The following ASIC2 variants were observed in gnomAD, a reference collection of about 807,000 sequenced individuals.
The protein encoded by ASIC2 is acid sensing ion channel subunit 2.
In ASIC2, 25 loss-of-function variants were observed where a neutral mutation model predicts 57.3. The observed-to-expected ratio is 0.44, with a 90% CI of 0.32 to 0.61. The LOEUF is 0.61. Among genes scored for constraint, ASIC2 ranks in the 20% least tolerant of loss-of-function variants. The probability of loss-of-function intolerance (pLI) is 0.06; values close to 1 mark genes in which losing one functional copy is unlikely to be tolerated. For missense variants in ASIC2, 641 were observed against 738.1 expected (o/e 0.87, Z 1.52); for synonymous variants, 319 against 307.5 (o/e 1.04, Z -0.39).
At chr17:33,295,127 G>T (rs1004303085), upstream of ASIC2, among the ~76,000 whole-genome samples, 12 of 152,190 alleles carry the variant, frequency 7.9e-5, no homozygotes, top group Non-Finnish European at 1.5e-4. Flanking sequence ...GGTTTCTGAT[G>T]TGTTCAGCTG....
chr17:34,135,298 C>G (rs1173250318), intron 1 of ASIC2, among the ~76,000 whole-genome samples: 1 of 152,216 alleles, frequency 6.6e-6, no homozygotes, highest in African/African-American at 2.4e-5. Flanking sequence ...TCACTGAAAG[C>G]AGGAACATGG....
intron 1 of ASIC2, among the ~76,000 whole-genome samples, chr17:33,831,873 G>A (rs1913123814): frequency 6.6e-6 from 1 of 152,180 alleles, no homozygotes; most frequent in African/African-American, 2.4e-5. Flanking sequence ...AAGACTCCCT[G>A]TTCTGTTGAC....
chr17:33,919,722 G>A (rs1418060535), intron 1 of ASIC2, among the ~76,000 whole-genome samples: 2 of 152,122 alleles, frequency 1.3e-5, no homozygotes, highest in African/African-American at 2.4e-5. Context: ...ACTATAAACC[G>A]AGTAAATAGA....
chr17:33,014,943 T>G (rs1200005199), intron 9 of ASIC2, among the ~76,000 whole-genome samples: 2 of 152,098 alleles, frequency 1.3e-5, no homozygotes, highest in Non-Finnish European at 2.9e-5. Flanking sequence ...TTAGACAGGT[T>G]TAATATGTAA....
At chr17:33,125,082 C>T (rs991926982) in intron 1 of ASIC2, among the ~76,000 whole-genome samples, 11 of 152,214 alleles carry the variant, frequency 7.2e-5, no homozygotes, top group African/African-American at 2.4e-4. Context: ...GCTTGCCCGC[C>T]GCTGACCTCC....
At chr17:33,427,085 AG>A (rs758100329) in intron 1 of ASIC2, among the ~76,000 whole-genome samples, 1 of 152,198 alleles carries the variant, frequency 6.6e-6, no homozygotes, top group Non-Finnish European at 1.5e-5. Context: ...GAGTGGCATG[AG>A]GCTGGGGTGG....
chr17:33,830,637 C>T (rs961914538), intron 1 of ASIC2, among the ~76,000 whole-genome samples: 6 of 151,974 alleles, frequency 3.9e-5, no homozygotes, highest in African/African-American at 1.5e-4. Flanking sequence ...ACGGTGGTTT[C>T]CTGCACCTAT....
chr17:34,054,351 G>T (rs1908682450), intron 1 of ASIC2, among the ~76,000 whole-genome samples: 1 of 152,154 alleles, frequency 6.6e-6, no homozygotes, highest in Admixed American at 6.5e-5. Flanking sequence ...AGCTCCAAGA[G>T]GCTGTTATTT....
intron 1 of ASIC2, among the ~76,000 whole-genome samples, chr17:33,712,775 A>G (rs920295045): frequency 6.8e-6 from 1 of 146,846 alleles, no homozygotes; most frequent in African/African-American, 2.5e-5. Context: ...CCTCCCAAGT[A>G]GCTGGGACTA....
At chr17:33,374,032 G>T (rs1043762746) in intron 1 of ASIC2, among the ~76,000 whole-genome samples, 1 of 151,856 alleles carries the variant, frequency 6.6e-6, no homozygotes, top group African/African-American at 2.4e-5. Flanking sequence ...TTTCACTCTT[G>T]CGGCCCAGGC....
chr17:33,979,475 A>C (rs1244227059), intron 1 of ASIC2, among the ~76,000 whole-genome samples: 5 of 152,002 alleles, frequency 3.3e-5, no homozygotes, highest in African/African-American at 4.8e-5. Flanking sequence ...TACTTTAAGA[A>C]ATCCAGAAAA....
chr17:33,077,358 A>T (rs1432533898), intron 3 of ASIC2, among the ~76,000 whole-genome samples: 2 of 152,160 alleles, frequency 1.3e-5, no homozygotes. Context: ...AATATTGATT[A>T]TGCCTGCCAT....
At chr17:34,017,990 A>G (rs191899822) in intron 1 of ASIC2, among the ~76,000 whole-genome samples, 1 of 152,346 alleles carries the variant, frequency 6.6e-6, no homozygotes, top group African/African-American at 2.4e-5. Context: ...ACCACACTAA[A>G]CAGTAGATTT....
At chr17:33,584,002 C>A (rs1029328681) in intron 1 of ASIC2, among the ~76,000 whole-genome samples, 1 of 152,178 alleles carries the variant, frequency 6.6e-6, no homozygotes, top group Non-Finnish European at 1.5e-5. Flanking sequence ...GCCAGAGCTA[C>A]AGGCCTTTTG....
chr17:33,712,702 G>A (rs1357649923), intron 1 of ASIC2, among the ~76,000 whole-genome samples: 6 of 133,662 alleles, frequency 4.5e-5, no homozygotes, highest in African/African-American at 1.4e-4. Flanking sequence ...CTGGAGTGCA[G>A]TGGCGGGATC....
intron 1 of ASIC2, among the ~76,000 whole-genome samples, chr17:33,418,559 AG>A (rs1383604056): frequency 6.6e-6 from 1 of 152,160 alleles, no homozygotes; most frequent in Non-Finnish European, 1.5e-5. Context: ...GGTGTAAGGA[AG>A]GGACCCAGTT....
intron 1 of ASIC2, among the ~76,000 whole-genome samples, chr17:33,737,733 C>G (rs1400333910): frequency 6.6e-6 from 1 of 150,578 alleles, no homozygotes; most frequent in East Asian, 1.9e-4. Context: ...CCTGAACTAA[C>G]AGGAAAGCGT....
chr17:33,925,924 A>G (rs1337284946), intron 1 of ASIC2, among the ~76,000 whole-genome samples: 1 of 152,232 alleles, frequency 6.6e-6, no homozygotes, highest in Non-Finnish European at 1.5e-5. Flanking sequence ...AGATCTTAAG[A>G]AGTCACAAAA....
intron 1 of ASIC2, among the ~76,000 whole-genome samples, chr17:33,163,371 G>A (rs976060040): frequency 2.0e-5 from 3 of 151,944 alleles, no homozygotes; most frequent in South Asian, 2.1e-4. Flanking sequence ...GGAGTGCCCC[G>A]CACTGACATC....
Sources: gnomAD v4.1 joint callset for allele counts (sites outside exome capture counted in the v4.1 genomes callset) on GRCh38, gnomAD v4.1.1 for gene constraint, MANE v1.5 for transcripts, NCBI Gene and HGNC (gene_info 2026-07-23, HGNC 2026-07-21) for gene names.